FANK1: variants seen among roughly 807,000 people sequenced by gnomAD.
FANK1 encodes the protein fibronectin type 3 and ankyrin repeat domains protein 1.
In FANK1, 44 loss-of-function variants were observed where a neutral mutation model predicts 45.3. The ratio of observed to expected loss-of-function variants is 0.97; its 90% CI spans 0.76 to 1.25. FANK1 has a LOEUF of 1.25. Ranked by LOEUF, FANK1 falls within the 50% of genes most tolerant of loss-of-function variation. FANK1 has a pLI of 0.00. For missense variants in FANK1, 391 were observed against 424.4 expected, an observed-to-expected ratio of 0.92 and a Z score of 0.69; for synonymous variants, 149 against 152.5, an observed-to-expected ratio of 0.98 and a Z score of 0.17.
chr10:125,955,167 A>G (rs112096116), intron 1 of FANK1, among the ~76,000 whole-genome samples: 17 of 151,210 alleles, frequency 1.1e-4, no homozygotes, highest in African/African-American at 3.7e-4. Context: ...GGTATGTTAC[A>G]TAGGTGTCAT....
chr10:125,977,643 C>T (rs1485854726), intron 1 of FANK1, among the ~76,000 whole-genome samples: 1 of 152,018 alleles, frequency 6.6e-6, no homozygotes, highest in Non-Finnish European at 1.5e-5. Flanking sequence ...GGGGTTGTGG[C>T]CGGGGGTTAT....
At chr10:125,999,294 G>T (rs781262815) in intron 6 of FANK1, among the ~76,000 whole-genome samples, 12 of 150,996 alleles carry the variant, frequency 7.9e-5, no homozygotes, top group Non-Finnish European at 1.5e-4. Flanking sequence ...CTGCCTCCCG[G>T]GTTCACGCCA....
chr10:125,962,957 C>T (rs996585564), intron 1 of FANK1, among the ~76,000 whole-genome samples: 1 of 151,308 alleles, frequency 6.6e-6, no homozygotes, highest in African/African-American at 2.4e-5. Flanking sequence ...AATAATGAAC[C>T]AATGTTGATA....
At chr10:125,948,721 C>A (rs1948989989) in intron 1 of FANK1, among the ~76,000 whole-genome samples, 1 of 152,110 alleles carries the variant, frequency 6.6e-6, no homozygotes, top group Admixed American at 6.6e-5. Context: ...CCTTCTGAAA[C>A]TATTCCAATC....
chr10:125,938,025 C>A (rs953921829), intron 1 of FANK1, among the ~76,000 whole-genome samples: 2 of 152,138 alleles, frequency 1.3e-5, no homozygotes, highest in African/African-American at 4.8e-5. Context: ...ATTCATTGAA[C>A]TTGTAAACAC....
intron 1 of FANK1, among the ~76,000 whole-genome samples, chr10:125,953,043 G>T (rs931592139): frequency 6.6e-6 from 1 of 152,158 alleles, no homozygotes; most frequent in African/African-American, 2.4e-5. Flanking sequence ...TTTTAGACTT[G>T]CATGTGCATT....
At chr10:125,971,264 T>A (rs370686713) in intron 1 of FANK1, among the ~76,000 whole-genome samples, 17 of 152,140 alleles carry the variant, frequency 1.1e-4, no homozygotes, top group African/African-American at 3.4e-4. Flanking sequence ...ACTGGCTTCC[T>A]ACCCATTCCC....
At chr10:125,910,955 A>C (rs1482906378) in intron 1 of FANK1, among the ~76,000 whole-genome samples, 1 of 150,298 alleles carries the variant, frequency 6.7e-6, no homozygotes, top group Admixed American at 6.7e-5. Context: ...AATTACTTGA[A>C]CCCGGGAGGC....
chr10:125,930,155 A>G (rs1947652191), intron 1 of FANK1, among the ~76,000 whole-genome samples: 1 of 151,824 alleles, frequency 6.6e-6, no homozygotes, highest in Non-Finnish European at 1.5e-5. Flanking sequence ...CCTGGGTTCA[A>G]GCGATTCTCC....
intron 1 of FANK1, among the ~76,000 whole-genome samples, chr10:125,963,403 C>T (rs1950037200): frequency 1.3e-5 from 2 of 152,146 alleles, no homozygotes; most frequent in South Asian, 4.1e-4. Context: ...TGGGTATCTA[C>T]CCAAAGGATT....
At chr10:125,935,409 T>G (rs1464568694) in intron 1 of FANK1, among the ~76,000 whole-genome samples, 1 of 152,160 alleles carries the variant, frequency 6.6e-6, no homozygotes, top group Non-Finnish European at 1.5e-5. Flanking sequence ...TCAACTAATT[T>G]TGTCTCTTAC....
intron 1 of FANK1, among the ~76,000 whole-genome samples, chr10:125,924,629 G>A (rs1947205839): frequency 1.3e-5 from 2 of 152,312 alleles, no homozygotes; most frequent in South Asian, 4.1e-4. Flanking sequence ...ACAACATGGT[G>A]AAACTTTATC....
At chr10:125,967,081 T>A (rs748350998) in intron 1 of FANK1, among the ~76,000 whole-genome samples, 1 of 152,250 alleles carries the variant, frequency 6.6e-6, no homozygotes, top group African/African-American at 2.4e-5. Flanking sequence ...TACCAAAGTG[T>A]ATCTAACAAA....
chr10:126,001,601 C>T (rs1338798698), intron 6 of FANK1, among the ~76,000 whole-genome samples: 1 of 152,102 alleles, frequency 6.6e-6, no homozygotes, highest in African/African-American at 2.4e-5. Flanking sequence ...ACCTTGTGAA[C>T]CAGAGAGGGG....
At chr10:125,974,017 A>G (rs1276072754) in intron 1 of FANK1, among the ~76,000 whole-genome samples, 1 of 152,248 alleles carries the variant, frequency 6.6e-6, no homozygotes, top group African/African-American at 2.4e-5. Context: ...TAGTTGTTGT[A>G]TAGGATTTTA....
intron 1 of FANK1, among the ~76,000 whole-genome samples, chr10:125,922,219 A>T (rs1287889243): frequency 6.6e-6 from 1 of 152,282 alleles, no homozygotes; most frequent in East Asian, 1.9e-4. Flanking sequence ...ATATTTGGGG[A>T]TGTTCTAGAA....
chr10:125,964,245 T>G (rs995000927), intron 1 of FANK1, among the ~76,000 whole-genome samples: 7 of 147,038 alleles, frequency 4.8e-5, no homozygotes, highest in Non-Finnish European at 7.4e-5. Context: ...CGGGCTGGAG[T>G]TCAGTGGCTC....
intron 6 of FANK1, among the ~76,000 whole-genome samples, chr10:125,997,791 A>T (rs1324323775): frequency 6.6e-6 from 1 of 152,264 alleles, no homozygotes; most frequent in East Asian, 1.9e-4. Context: ...AGCTCTCGCC[A>T]TCCGCGCTGG....
At chr10:125,970,484 G>GGA (rs1950443154) in intron 1 of FANK1, among the ~76,000 whole-genome samples, 1 of 152,226 alleles carries the variant, frequency 6.6e-6, no homozygotes, top group Non-Finnish European at 1.5e-5. Context: ...CAGGCAGCTG[G>GGA]GAGGTGGAGG....
Sources: allele counts gnomAD v4.1 joint callset (sites outside exome capture counted in the v4.1 genomes callset), GRCh38; gene constraint gnomAD v4.1.1; transcripts MANE v1.5; gene names NCBI Gene and HGNC (gene_info 2026-07-23, HGNC 2026-07-21).